Variants in PIEZO2 observed in about 807,000 individuals in gnomAD.
PIEZO2 encodes the protein piezo type mechanosensitive ion channel component 2.
Under a neutral mutation model 337.3 loss-of-function variants are expected in PIEZO2, and 172 were observed. That is an observed-to-expected ratio of 0.51 (90% CI 0.45 to 0.58). The LOEUF is 0.58. Ranked by LOEUF, PIEZO2 falls within the 20% of genes least tolerant of loss-of-function variation. The pLI is 0.00. For missense variants in PIEZO2, 3,028 were observed against 3,391.3 expected (o/e 0.89, Z 2.66); for synonymous variants, 1,251 against 1,228.5 (o/e 1.02, Z -0.38).
chr18:10,952,304 G>A lies in PIEZO2; in HGVS notation c.286+27231C>T, dbSNP rs1446803806. On this transcript the variant is annotated intron_variant, in intron 3 of 55. Transcript: ENST00000674853. The surrounding 1 kb of genome is among the most constrained non-coding windows in gnomAD (Gnocchi z 4.1). ...TCTCAATTTCTTACAAATCCATACA[G>A]TCATTTAACTACCACTACTGTCAAA... Among the ~76,000 whole-genome samples the A allele has an allele frequency of 6.6e-6, 1 of 152,058 alleles. No individual in the cohort carries two copies. Among genetic ancestry groups the A allele is most frequent in the African/African-American group, 2.4e-5 (1 of 41,396 alleles).
At chr18:10,728,038 C>A (rs974256312) in intron 36 of PIEZO2, 2 of 152,024 alleles carry the variant, frequency 1.3e-5, no homozygotes, top group Non-Finnish European at 2.9e-5. Flanking sequence ...AACAACCCGA[C>A]AGAACGATGC....
chr18:11,068,941 G>A (rs1278009915), intron 1 of PIEZO2, among the ~76,000 whole-genome samples: 1 of 152,016 alleles, frequency 6.6e-6, no homozygotes. Flanking sequence ...TAAATTCCTA[G>A]CAATATACAA....
Position 10,899,293 on chromosome 18 carries a change from T to TTG in PIEZO2, c.329+11891_329+11892dup, listed in dbSNP as rs753582696. Among the ~76,000 whole-genome samples, 35 of 151,752 alleles carry TTG rather than the reference T, an allele frequency of 2.3e-4. No homozygotes were observed. The highest frequency in any genetic ancestry group is 7.7e-4 in the East Asian group (4 of 5,162). ...TCTGTGTAAACTTAGGAAGGTGTGT[T>TTG]TGTGTGTGTGTGTGTAGAGGTATAT... On this transcript the variant is annotated intron_variant, in intron 4 of 55. Transcript: ENST00000674853. This position sits in a 1 kb window ranked among gnomAD's most constrained non-coding sequence, Gnocchi z 4.6.
At position 11,112,814 on chromosome 18, in the gene PIEZO2, A is replaced by C. The variant is rs2039775542; in HGVS notation, c.64+35711T>G. On this transcript the variant is annotated intron_variant, in intron 1 of 55. Coordinates refer to ENST00000674853, the MANE Select transcript of PIEZO2 (RefSeq NM_001378183.1). The surrounding 1 kb of genome is among the most constrained non-coding windows in gnomAD (Gnocchi z 4.3). Reference sequence around the variant, plus strand: ...TGCAGTTAGGTCACCGACAAGAGGAAGAGGCGCTATGGAGAAGAAGGAGCA... The same window carrying C: ...TGCAGTTAGGTCACCGACAAGAGGACGAGGCGCTATGGAGAAGAAGGAGCA... Among the ~76,000 whole-genome samples, 1 of 152,202 alleles carries C rather than the reference A, an allele frequency of 6.6e-6. No homozygotes were observed. Among genetic ancestry groups the C allele is most frequent in the African/African-American group, 2.4e-5 (1 of 41,456 alleles).
chr18:10,886,785 CA>C (rs928346413), intron 4 of PIEZO2, among the ~76,000 whole-genome samples: 11 of 151,836 alleles, frequency 7.2e-5, no homozygotes, highest in African/African-American at 2.4e-4. Flanking sequence ...GTACTTTCCC[CA>C]AATAAGGACC....
chr18:10,703,744 C>A (rs936208820), intron 42 of PIEZO2, among the ~76,000 whole-genome samples: 4 of 151,880 alleles, frequency 2.6e-5, no homozygotes, highest in Non-Finnish European at 5.9e-5. Flanking sequence ...TTGAATAGGT[C>A]AGGACAGAAA....
intron 23 of PIEZO2, among the ~76,000 whole-genome samples, chr18:10,761,851 T>C (rs1175493297): frequency 6.6e-6 from 1 of 152,182 alleles, no homozygotes; most frequent in Non-Finnish European, 1.5e-5. Context: ...GCATTGCCAG[T>C]GTAACATGAT....
intron 1 of PIEZO2, among the ~76,000 whole-genome samples, chr18:11,119,418 G>T (rs1008957511): frequency 2.6e-5 from 4 of 152,170 alleles, no homozygotes; most frequent in African/African-American, 9.7e-5. Context: ...GATAATAGGC[G>T]TGAGCCACCG....
Position 10,943,202 on chromosome 18 carries a change from T to C in PIEZO2, c.287-31974A>G, listed in dbSNP as rs555319837. On this transcript the variant is annotated intron_variant, in intron 3 of 55. Transcript: ENST00000674853. The surrounding 1 kb of genome is among the most constrained non-coding windows in gnomAD (Gnocchi z 4.5). ...CAGTCCCTACTGGGGCACCACCTAG[T>C]GGAGCTGTGAGAAGAGGGCCACTGC... 6.6e-6 allele frequency among the ~76,000 whole-genome samples: 1 copy of C among 152,236 alleles called. No individual in the cohort carries two copies. The highest frequency in any genetic ancestry group is 1.5e-5 in the Non-Finnish European group (1 of 68,008).
At position 10,677,740 on chromosome 18, in the gene PIEZO2, C is replaced by T. The variant is rs912560415; in HGVS notation, c.8081+7G>A. On this transcript the variant is annotated splice_region_variant and intron_variant, in intron 53 of 55. Coordinates refer to ENST00000674853, the MANE Select transcript of PIEZO2 (RefSeq NM_001378183.1). This position sits in a 1 kb window ranked among gnomAD's most constrained non-coding sequence, Gnocchi z 4.1. The stretch of plus-strand genomic sequence containing the variant: ...AAAGCTCTATTAGTAGGAAAAAATA[C>T]ACTTACACTGGTGTTTTTGAACTTT... 6.2e-7 allele frequency: 1 copy of T among 1,607,718 alleles called. No homozygotes were observed. Among genetic ancestry groups the T allele is most frequent in the African/African-American group, 1.3e-5 (1 of 74,538 alleles).
At chr18:10,760,036 T>C (rs2038061516) in intron 24 of PIEZO2, 127 bp from the exon 25 acceptor site, 1 of 782,150 alleles carries the variant, frequency 1.3e-6, no homozygotes, top group African/African-American at 1.7e-5. Context: ...TCTGCACAGA[T>C]TCACAAATGC....
At chr18:10,818,905 T>C (rs1020707842) in intron 7 of PIEZO2, among the ~76,000 whole-genome samples, 1 of 152,202 alleles carries the variant, frequency 6.6e-6, no homozygotes, top group African/African-American at 2.4e-5. Context: ...TTGGCTTCAT[T>C]TTAATGGAAA....
In PIEZO2 at chr18:10,821,526, TAATA is replaced by T. The variant is rs912191780; in HGVS notation, c.918-14256_918-14253del. Among the ~76,000 whole-genome samples the T allele has an allele frequency of 1.8e-4, 28 of 152,336 alleles. No homozygotes were observed. The highest frequency in any genetic ancestry group is 6.3e-4 in the African/African-American group (26 of 41,586). On this transcript the variant is annotated intron_variant, in intron 7 of 55. Transcript: ENST00000674853. The surrounding 1 kb of genome is among the most constrained non-coding windows in gnomAD (Gnocchi z 4.2). ...TTACTATATATAAACACTATATGAA[TAATA>T]AATATTTTATTTGTAACCAGCTTAT...
intron 4 of PIEZO2, among the ~76,000 whole-genome samples, chr18:10,874,386 C>T (rs2042217486): frequency 6.6e-6 from 1 of 152,084 alleles, no homozygotes; most frequent in African/African-American, 2.4e-5. Flanking sequence ...AGTGTAGCTA[C>T]TATAGAAAAC....
At position 11,092,747 on chromosome 18, in the gene PIEZO2, T is replaced by C. The variant is rs1213442551; in HGVS notation, c.65-26525A>G. On this transcript the variant is annotated intron_variant, in intron 1 of 55. Transcript: ENST00000674853. This position sits in a 1 kb window ranked among gnomAD's most constrained non-coding sequence, Gnocchi z 4.5. ...ACAAATGAGTTGCAGCCTTGCCTTT[T>C]AGTAATGTAGCCTATGTGATTGGGG... 1.3e-5 allele frequency among the ~76,000 whole-genome samples: 2 copies of C among 152,158 alleles called. No homozygotes were observed. Among genetic ancestry groups the C allele is most frequent in the Admixed American group, 1.3e-4 (2 of 15,276 alleles).
rs1567936585 is a variant in PIEZO2, at chr18:10,676,407, A to AT, written c.8082-1120dup. On this transcript the variant is annotated intron_variant, in intron 53 of 55. Coordinates refer to ENST00000674853, the MANE Select transcript of PIEZO2 (RefSeq NM_001378183.1). The surrounding 1 kb of genome is among the most constrained non-coding windows in gnomAD (Gnocchi z 5.1). ...TGTTTAGCAGTTTTAGATCCATATC[A>AT]TTTTTTTCTTGCTAGTTCATATATT... 6.6e-6 allele frequency among the ~76,000 whole-genome samples: 1 copy of AT among 152,044 alleles called. No homozygotes were observed. The highest frequency in any genetic ancestry group is 2.4e-5 in the African/African-American group (1 of 41,384).
In PIEZO2 at chr18:11,116,206, C is replaced by G. The variant is rs920994866; in HGVS notation, c.64+32319G>C. Among the ~76,000 whole-genome samples the G allele has an allele frequency of 6.6e-6, 1 of 152,152 alleles. No homozygotes were observed. Among genetic ancestry groups the G allele is most frequent in the African/African-American group, 2.4e-5 (1 of 41,432 alleles). ...AAACATGGCCAGTGCTCAGATTATG[C>G]CCACTGCCTTCAATATCCAGCTTTA... On this transcript the variant is annotated intron_variant, in intron 1 of 55. Transcript: ENST00000674853. The surrounding 1 kb of genome is among the most constrained non-coding windows in gnomAD (Gnocchi z 5.0).
chr18:10,979,197 CTTT>C lies in PIEZO2; in HGVS notation c.286+335_286+337del, dbSNP rs201916792. Reference sequence around the variant, plus strand: ...CTATTCATCATGTTAGAAATTGTACCTTTTTTTTTTTTTACTCGCTGTAATGAA... The same window carrying C: ...CTATTCATCATGTTAGAAATTGTACCTTTTTTTTTTACTCGCTGTAATGAA... On this transcript the variant is annotated intron_variant, in intron 3 of 55. Coordinates refer to ENST00000674853, the MANE Select transcript of PIEZO2 (RefSeq NM_001378183.1). This position sits in a 1 kb window ranked among gnomAD's most constrained non-coding sequence, Gnocchi z 4.0. Among the ~76,000 whole-genome samples the C allele has an allele frequency of 2.1e-5, 3 of 142,952 alleles. No homozygotes were observed. Among genetic ancestry groups the C allele is most frequent in the African/African-American group, 7.6e-5 (3 of 39,522 alleles). The allele number at this position is 142,952 out of a possible 152,430, so 93.8% of individuals were successfully genotyped here.
Position 10,980,788 on chromosome 18 carries a change from T to C in PIEZO2, c.161-1128A>G, listed in dbSNP as rs1008092483. On this transcript the variant is annotated intron_variant, in intron 2 of 55. Transcript: ENST00000674853. The surrounding 1 kb of genome is among the most constrained non-coding windows in gnomAD (Gnocchi z 4.8). The stretch of plus-strand genomic sequence containing the variant: ...AAAAATTGAAAAGGTTTTGTCAATG[T>C]GTCAATTTGGCTAGGCTGTAAATCA... Among the ~76,000 whole-genome samples the C allele has an allele frequency of 2.6e-5, 4 of 152,206 alleles. No individual in the cohort carries two copies. The highest frequency in any genetic ancestry group is 5.9e-5 in the Non-Finnish European group (4 of 68,022).
Sources: allele counts gnomAD v4.1 joint callset (sites outside exome capture counted in the v4.1 genomes callset), GRCh38; gene constraint gnomAD v4.1.1; non-coding constraint Gnocchi (gnomAD v3.1); transcripts MANE v1.5; gene names NCBI Gene and HGNC (gene_info 2026-07-23, HGNC 2026-07-21).